Variants in PRKX observed in about 807,000 individuals in gnomAD.
The protein encoded by PRKX is cAMP-dependent protein kinase catalytic subunit PRKX.
PRKX carries 12 observed loss-of-function variants against 22.0 expected under a neutral mutation model. That is an observed-to-expected ratio of 0.54 (90% CI 0.35 to 0.88). The LOEUF (loss-of-function observed/expected upper bound fraction) is 0.88, where lower values mean the gene tolerates loss of function less well. PRKX is among the 40% of genes least tolerant of loss of function. The pLI is 0.01. For missense variants in PRKX, 217 were observed against 308.0 expected (o/e 0.70, Z 2.21); for synonymous variants, 134 against 137.7 (o/e 0.97, Z 0.19).
At chrX:3,633,751 C>T (rs1288514864) in intron 4 of PRKX, among the ~76,000 whole-genome samples, 1 of 111,012 alleles carries the variant, frequency 9.0e-6, no homozygotes, top group East Asian at 2.8e-4. Context: ...AAACACCCTC[C>T]TAAACTATCA....
chrX:3,646,590 C>T (rs776787772), intron 3 of PRKX, among the ~76,000 whole-genome samples: 3 of 111,505 alleles, frequency 2.7e-5, no homozygotes, highest in Admixed American at 1.9e-4. Flanking sequence ...AATAGATGTT[C>T]GCTCAGTACT....
intron 4 of PRKX, among the ~76,000 whole-genome samples, chrX:3,631,745 G>T (rs1926786815): frequency 9.0e-6 from 1 of 111,059 alleles, no homozygotes; most frequent in African/African-American, 3.3e-5. Context: ...CATGAAGGTG[G>T]AGGCAGAGAC....
chrX:3,666,358 G>T (rs915145076), intron 2 of PRKX, among the ~76,000 whole-genome samples: 2 of 110,420 alleles, frequency 1.8e-5, no homozygotes, highest in Admixed American at 1.9e-4. Flanking sequence ...GGGTCTCACT[G>T]TGTTAGCCAG....
Position 3,713,146 on chromosome X carries a change from C to T in PRKX, c.108G>A (p.Ala36=), listed in dbSNP as rs780135394. 1.7e-6 allele frequency: 2 copies of T among 1,149,419 alleles called. No individual in the cohort carries two copies. Among genetic ancestry groups the T allele is most frequent in the Non-Finnish European group, 2.3e-6 (2 of 869,235 alleles). The allele number at this position is 1,149,419 out of a possible 1,213,427, so 94.7% of individuals were successfully genotyped here. Residue 36 remains alanine, a synonymous_variant, in exon 1 of 9, where the codon GCG becomes GCA. Transcript: ENST00000262848. ...TGTACACAGGCGGCTCCGGCGACAG[C>T]GCCTCAGGGCTGGGGCAGAGCGCGG... ...GAPALCPSPE[A]LSPEPPVYSL...
chrX:3,689,664 A>G (rs190823910), intron 1 of PRKX, among the ~76,000 whole-genome samples: 6 of 112,004 alleles, frequency 5.4e-5, no homozygotes, highest in Non-Finnish European at 7.5e-5. Flanking sequence ...TGGGTGAGAG[A>G]GCAAGACTCT....
chrX:3,666,168 T>G (rs1259265573), intron 2 of PRKX, among the ~76,000 whole-genome samples: 2 of 101,530 alleles, frequency 2.0e-5, no homozygotes, highest in Admixed American at 2.1e-4. Flanking sequence ...TTTTTTTTTT[T>G]TTTTGAGACA....
At chrX:3,655,555 GACATGGAGCACACAGATATCAGC>G in intron 2 of PRKX, 143 bp from the exon 3 acceptor site, 1 of 658,763 alleles carries the variant, frequency 1.5e-6, no homozygotes, top group Non-Finnish European at 2.3e-6. Flanking sequence ...CAGATGTCGG[GACATGGAGCACACAGATATCAGC>G]ACATGGGTAA....
At chrX:3,686,719 G>A (rs1383746075) in intron 1 of PRKX, among the ~76,000 whole-genome samples, 4 of 109,944 alleles carry the variant, frequency 3.6e-5, no homozygotes, top group African/African-American at 1.3e-4. Context: ...CACTACGCCC[G>A]ACTAATTCTT....
At chrX:3,639,536 C>CGGGGTGGGTGGGTGGATGGATGAA (rs1402424971) in intron 4 of PRKX, among the ~76,000 whole-genome samples, 1 of 11,710 alleles carries the variant, frequency 8.5e-5, no homozygotes, top group Non-Finnish European at 1.5e-4. Context: ...GGATGGATGA[C>CGGGGTGGGTGGGTGGATGGATGAA]GGGGTGGGTG....
At chrX:3,705,058 T>G (rs963128319) in intron 1 of PRKX, among the ~76,000 whole-genome samples, 8 of 111,563 alleles carry the variant, frequency 7.2e-5, no homozygotes, top group Admixed American at 4.8e-4. Flanking sequence ...CCCTGCCGCG[T>G]GGGGTGAATA....
At chrX:3,701,151 A>C (rs1364598407) in intron 1 of PRKX, among the ~76,000 whole-genome samples, 1 of 108,005 alleles carries the variant, frequency 9.3e-6, no homozygotes, top group Non-Finnish European at 1.9e-5. Flanking sequence ...CTCTGTCACT[A>C]AGGCTGGAGT....
At chrX:3,695,403 G>GTTTTGTTTTGC (rs1318624471) in intron 1 of PRKX, among the ~76,000 whole-genome samples, 5 of 110,992 alleles carry the variant, frequency 4.5e-5, no homozygotes, top group Non-Finnish European at 3.8e-5. Flanking sequence ...GGATTTTCTT[G>GTTTTGTTTTGC]TTTTGTTTTG....
intron 1 of PRKX, among the ~76,000 whole-genome samples, chrX:3,703,666 G>GT (rs1569065321): frequency 2.2e-5 from 2 of 89,669 alleles, no homozygotes; most frequent in Admixed American, 1.4e-4. Context: ...GGTTTTTTTG[G>GT]TTGTTTTTTT....
At position 3,641,978 on chromosome X, in the gene PRKX, G is replaced by C; in HGVS notation, c.600-7C>G. The C allele has an allele frequency of 1.2e-6, 1 of 839,236 alleles. No individual in the cohort carries two copies. Among genetic ancestry groups the C allele is most frequent in the Non-Finnish European group, 1.7e-6 (1 of 597,557 alleles). The allele number at this position is 839,236 out of a possible 1,213,427, so 69.2% of individuals were successfully genotyped here. A position where few individuals can be genotyped will look rare whatever the true frequency, so the allele number is the denominator to read the frequency against. ...TCCACAGAGGGTCCAAGTCCTATAT[G>C]GGCGACAGAGACAGGCCCCCACAAC... On this transcript the variant is annotated splice_region_variant and splice_polypyrimidine_tract_variant and intron_variant, in intron 3 of 8. Coordinates refer to ENST00000262848, the MANE Select transcript of PRKX (RefSeq NM_005044.5).
chrX:3,664,073 C>A (rs1339716884), intron 2 of PRKX, among the ~76,000 whole-genome samples: 1 of 111,630 alleles, frequency 9.0e-6, no homozygotes, highest in African/African-American at 3.3e-5. Context: ...GGGTCACATG[C>A]ACCCTCCCAT....
At chrX:3,696,826 C>A (rs1317680134) in intron 1 of PRKX, among the ~76,000 whole-genome samples, 1 of 111,421 alleles carries the variant, frequency 9.0e-6, no homozygotes, top group Non-Finnish European at 1.9e-5. Flanking sequence ...TTGAGACCAG[C>A]CTGGCCAACA....
chrX:3,708,973 T>G (rs1240984461), intron 1 of PRKX, among the ~76,000 whole-genome samples: 1 of 109,785 alleles, frequency 9.1e-6, no homozygotes, highest in East Asian at 2.9e-4. Context: ...TGCACAGAAC[T>G]CTACACACAC....
intron 1 of PRKX, among the ~76,000 whole-genome samples, chrX:3,678,996 C>T (rs981045676): frequency 2.7e-5 from 3 of 111,672 alleles, no homozygotes; most frequent in South Asian, 3.8e-4. Flanking sequence ...CCCTAGAGAT[C>T]CCCTCCATCT....
intron 2 of PRKX, among the ~76,000 whole-genome samples, chrX:3,656,823 T>A (rs1927491439): frequency 8.9e-6 from 1 of 112,169 alleles, no homozygotes; most frequent in African/African-American, 3.2e-5. Flanking sequence ...TAGGGGGTCT[T>A]ACAAATAAGA....
Sources: gnomAD v4.1 joint callset for allele counts (sites outside exome capture counted in the v4.1 genomes callset) on GRCh38, gnomAD v4.1.1 for gene constraint, MANE v1.5 for transcripts, NCBI Gene and HGNC (gene_info 2026-07-23, HGNC 2026-07-21) for gene names.